Variants in KCNG2 observed in about 807,000 individuals in gnomAD.
The protein encoded by KCNG2 is voltage-gated potassium channel regulatory subunit KCNG2.
In KCNG2, 7 loss-of-function variants were observed where a neutral mutation model predicts 12.3. That is an observed-to-expected ratio of 0.57 (90% CI 0.32 to 1.07). The LOEUF is 1.07. KCNG2 is among the 50% of genes least tolerant of loss of function. KCNG2 has a pLI of 0.04. For synonymous variants in KCNG2, 414 were observed against 351.4 expected, an observed-to-expected ratio of 1.18 and a Z score of -1.99; for missense variants, 703 against 726.0, an observed-to-expected ratio of 0.97 and a Z score of 0.36.
intron 3 of KCNG2, among the ~76,000 whole-genome samples, 185 bp downstream of exon 3, chr18:79,864,476 G>A (rs927462508): frequency 2.0e-5 from 3 of 152,080 alleles, no homozygotes; most frequent in Non-Finnish European, 4.4e-5. Context: ...CTGAGGGAGC[G>A]CCGCTGATGG....
rs59558361 is a variant in KCNG2 at position 79,880,316 on chromosome 18, CAA to C, written c.624+16044_624+16045del. Among the ~76,000 whole-genome samples the C allele has an allele frequency of 3.5e-4, 35 of 101,366 alleles. 1 individual carries two copies. In the East Asian group the frequency reaches 4.4e-3, roughly 13 times the overall value. The allele number at this position is 101,366 out of a possible 152,430, so 66.5% of individuals were successfully genotyped here. A position where few individuals can be genotyped will look rare whatever the true frequency, so the allele number is the denominator to read the frequency against. ...TGGGTGACAGAGTGAGACTCTGTCTCAAAAAAAAAAAAAAAAAAAATTACATG... is the reference window on the plus strand; with the variant it reads ...TGGGTGACAGAGTGAGACTCTGTCTCAAAAAAAAAAAAAAAAAATTACATG... On this transcript the variant is annotated intron_variant, in intron 3 of 3. Coordinates refer to ENST00000316249, the MANE Select transcript of KCNG2 (RefSeq NM_012283.2).
chr18:79,831,838 C>G (rs1599379069), intron 1 of KCNG2, among the ~76,000 whole-genome samples: 1 of 152,220 alleles, frequency 6.6e-6, no homozygotes, highest in South Asian at 2.1e-4. Flanking sequence ...CCACCCCCAC[C>G]CTTACCTGGC....
chr18:79,880,986 C>T (rs762716433), intron 3 of KCNG2, among the ~76,000 whole-genome samples: 9 of 152,188 alleles, frequency 5.9e-5, no homozygotes, highest in Non-Finnish European at 1.3e-4. Context: ...ACCAAAAAAA[C>T]CCTACAGCTA....
chr18:79,890,935 A>G (rs1236041525), intron 3 of KCNG2, among the ~76,000 whole-genome samples: 1 of 115,444 alleles, frequency 8.7e-6, no homozygotes, highest in African/African-American at 2.8e-5. Flanking sequence ...GATTCTAGTC[A>G]ATGGAATTTT....
In KCNG2 at chr18:79,899,021, G is replaced by A. The variant is rs751741596; in HGVS notation, c.625-19G>A. 4.4e-5 allele frequency: 67 copies of A among 1,515,690 alleles called. No individual in the cohort carries two copies. The highest frequency in any genetic ancestry group is 7.3e-5 in the East Asian group (3 of 40,902). 93.9% of individuals were successfully genotyped at this position (1,515,690 alleles called of 1,614,324 possible). Reference sequence around the variant, plus strand: ...CCAAGAGGCCTGCGCCCCCAACCCCGTGTCCCCTCTCCCCGCAGGGCGAGT... The same window carrying A: ...CCAAGAGGCCTGCGCCCCCAACCCCATGTCCCCTCTCCCCGCAGGGCGAGT... On this transcript the variant is annotated intron_variant, in intron 3 of 3. Transcript: ENST00000316249.
chr18:79,803,036 G>A lies in KCNG2; in HGVS notation c.-115+5022G>A, dbSNP rs2087423216. The stretch of plus-strand genomic sequence containing the variant: ...TCTACTAAAACACAAAAATTAGCCG[G>A]GCATGGTGGCAGGCACCTGTAATTC... On this transcript the variant is annotated intron_variant, in intron 1 of 3. Coordinates refer to ENST00000316249, the MANE Select transcript of KCNG2 (RefSeq NM_012283.2). The surrounding 1 kb of genome is among the most constrained non-coding windows in gnomAD (Gnocchi z 4.5). Among the ~76,000 whole-genome samples, 5 of 152,254 alleles carry A rather than the reference G, an allele frequency of 3.3e-5. No individual in the cohort carries two copies. In the South Asian group the frequency reaches 1.0e-3, roughly 32 times the overall value.
chr18:79,842,575 A>G (rs1978494546), intron 1 of KCNG2, among the ~76,000 whole-genome samples: 1 of 152,248 alleles, frequency 6.6e-6, no homozygotes, highest in South Asian at 2.1e-4. Flanking sequence ...AAAGAAGCTC[A>G]GTGAGCTACA....
chr18:79,863,686 T>A lies in KCNG2; in HGVS notation c.19T>A (p.Ser7Thr). The part of the protein sequence containing the change: MEPWPC[S>T]PGGGGGTRAR... ...CCTGCGCATGGAGCCATGGCCCTGC[T>A]CCCCGGGCGGCGGCGGCGGGACCCG... The change falls in exon 3 of 4, where the codon TCC becomes ACC. Residue 7 changes from serine to threonine, a missense_variant. Transcript: ENST00000316249. 5.0e-6 allele frequency: 6 copies of A among 1,188,410 alleles called. No homozygotes were observed. Among genetic ancestry groups the A allele is most frequent in the Non-Finnish European group, 6.2e-6 (6 of 961,112 alleles). 73.6% of individuals were successfully genotyped at this position (1,188,410 alleles called of 1,614,324 possible).
intron 1 of KCNG2, among the ~76,000 whole-genome samples, chr18:79,843,728 T>C (rs1172328285): frequency 1.3e-5 from 2 of 151,770 alleles, no homozygotes; most frequent in African/African-American, 4.8e-5. Context: ...TTGTAATAGA[T>C]ACACAAAAGA....
intron 2 of KCNG2, 80 bp from the exon 3 acceptor site, chr18:79,863,548 C>T: frequency 1.9e-6 from 2 of 1,079,176 alleles, no homozygotes; most frequent in Non-Finnish European, 2.3e-6. Context: ...CGGTGCCGGC[C>T]CGGCCCCTGG....
At chr18:79,853,685 C>T (rs964367717) in intron 1 of KCNG2, among the ~76,000 whole-genome samples, 4 of 152,210 alleles carry the variant, frequency 2.6e-5, no homozygotes, top group Admixed American at 6.5e-5. Context: ...GCCAGGCAGC[C>T]GGTGTCAGCA....
At chr18:79,882,539 C>G (rs1980338037) in intron 3 of KCNG2, among the ~76,000 whole-genome samples, 2 of 152,268 alleles carry the variant, frequency 1.3e-5, no homozygotes, top group African/African-American at 4.8e-5. Flanking sequence ...TGAACAGACA[C>G]TTCACCAAAG....
rs577824590 is a variant in KCNG2 at position 79,900,057 on chromosome 18, A to G, written c.*241A>G. On this transcript the variant is annotated 3_prime_UTR_variant, in exon 4 of 4. Transcript: ENST00000316249. ...CCCCACCCCTTTCCTTGGATTTTTAATTTTCTACGCCTAGCTAAAAATAAA... is the reference window on the plus strand; with the variant it reads ...CCCCACCCCTTTCCTTGGATTTTTAGTTTTCTACGCCTAGCTAAAAATAAA... 54 of 363,784 alleles carry G rather than the reference A, an allele frequency of 1.5e-4. No homozygotes were observed. The highest frequency in any genetic ancestry group is 1.0e-3 in the African/African-American group (48 of 47,210). 22.5% of individuals were successfully genotyped at this position (363,784 alleles called of 1,614,324 possible).
At chr18:79,807,599 C>T (rs1019404519) in intron 1 of KCNG2, among the ~76,000 whole-genome samples, 17 of 152,196 alleles carry the variant, frequency 1.1e-4, no homozygotes, top group African/African-American at 3.9e-4. Context: ...CTTCTTAATG[C>T]TCTCACGCCT....
At position 79,822,193 on chromosome 18, in the gene KCNG2, T is replaced by C. The variant is rs180771141; in HGVS notation, c.-115+24179T>C. Among the ~76,000 whole-genome samples, 1 of 152,290 alleles carries C rather than the reference T, an allele frequency of 6.6e-6. No individual in the cohort carries two copies. Among genetic ancestry groups the C allele is most frequent in the African/African-American group, 2.4e-5 (1 of 41,558 alleles). ...AACGATTTTTAGACTTATAGGAAAG[T>C]TGCAGATTCATAGAGGTTCCCATGT... On this transcript the variant is annotated intron_variant, in intron 1 of 3. Transcript: ENST00000316249. This position sits in a 1 kb window ranked among gnomAD's most constrained non-coding sequence, Gnocchi z 4.4.
chr18:79,804,954 GCA>G (rs1016547899), intron 1 of KCNG2, among the ~76,000 whole-genome samples: 1 of 152,064 alleles, frequency 6.6e-6, no homozygotes, highest in Non-Finnish European at 1.5e-5. Flanking sequence ...CCACACACAC[GCA>G]CACACACATA....
In KCNG2 at chr18:79,834,057, C is replaced by T. The variant is rs563307908; in HGVS notation, c.-114-22322C>T. Among the ~76,000 whole-genome samples the T allele has an allele frequency of 1.6e-4, 25 of 152,356 alleles. No homozygotes were observed. In the South Asian group the frequency reaches 5.2e-3, roughly 32 times the overall value. On this transcript the variant is annotated intron_variant, in intron 1 of 3. Transcript: ENST00000316249. The stretch of plus-strand genomic sequence containing the variant: ...CTGAGGAGGCCACCCAGTGCAGTGG[C>T]AGAGGGCGGTGCTTCCCGTGGTTTA...
At chr18:79,818,105 G>C (rs942273439) in intron 1 of KCNG2, among the ~76,000 whole-genome samples, 1 of 152,230 alleles carries the variant, frequency 6.6e-6, no homozygotes, top group African/African-American at 2.4e-5. Flanking sequence ...GCACCTTCAG[G>C]CCAGGAAGAA....
intron 1 of KCNG2, among the ~76,000 whole-genome samples, chr18:79,811,843 A>T (rs181671328): frequency 6.6e-6 from 1 of 152,214 alleles, no homozygotes; most frequent in African/African-American, 2.4e-5. Flanking sequence ...CTCTGACTGC[A>T]TGGGGTGAAC....
Sources: gnomAD v4.1 joint callset for allele counts (sites outside exome capture counted in the v4.1 genomes callset) on GRCh38, gnomAD v4.1.1 for gene constraint, Gnocchi (gnomAD v3.1) non-coding constraint, MANE v1.5 for transcripts, NCBI Gene and HGNC (gene_info 2026-07-23, HGNC 2026-07-21) for gene names.